Variants in ARFGEF3 observed in about 807,000 individuals in gnomAD.
ARFGEF3 encodes ARFGEF family member 3, also known as brefeldin A-inhibited guanine nucleotide-exchange protein 3.
In ARFGEF3, 96 loss-of-function variants were observed where a neutral mutation model predicts 221.7. That is an observed-to-expected ratio of 0.43 (90% CI 0.37 to 0.51). The LOEUF (loss-of-function observed/expected upper bound fraction) is 0.51, where lower values mean the gene tolerates loss of function less well. Ranked by LOEUF, ARFGEF3 falls within the 20% of genes least tolerant of loss-of-function variation. The pLI is 0.00. For missense variants in ARFGEF3, 2,410 were observed against 2,789.9 expected (o/e 0.86, Z 3.07); for synonymous variants, 1,145 against 1,126.8 (o/e 1.02, Z -0.32).
At chr6:138,265,764 G>A (rs897146020) in intron 12 of ARFGEF3, among the ~76,000 whole-genome samples, 2 of 152,084 alleles carry the variant, frequency 1.3e-5, no homozygotes, top group African/African-American at 4.8e-5. Flanking sequence ...AATATTTATT[G>A]ATTGTAAATT....
intron 12 of ARFGEF3, among the ~76,000 whole-genome samples, chr6:138,264,770 A>T (rs1395603870): frequency 6.6e-6 from 1 of 152,196 alleles, no homozygotes; most frequent in East Asian, 1.9e-4. Flanking sequence ...AGTTACTGGA[A>T]CTTGGTTAGA....
intron 2 of ARFGEF3, among the ~76,000 whole-genome samples, chr6:138,191,481 C>CT (rs1214558993): frequency 6.6e-6 from 1 of 152,148 alleles, no homozygotes; most frequent in Non-Finnish European, 1.5e-5. Context: ...GCTACTACTT[C>CT]TTTGTCAGCA....
At chr6:138,274,478 A>G (rs1340358011) in intron 12 of ARFGEF3, among the ~76,000 whole-genome samples, 3 of 152,252 alleles carry the variant, frequency 2.0e-5, no homozygotes, top group South Asian at 2.1e-4. Flanking sequence ...TTCAGATCTC[A>G]CTTGCAGTCT....
At chr6:138,184,457 G>GGAGCA (rs1777143133) in intron 2 of ARFGEF3, among the ~76,000 whole-genome samples, 1 of 152,308 alleles carries the variant, frequency 6.6e-6, no homozygotes, top group Non-Finnish European at 1.5e-5. Context: ...GTGTGATTAA[G>GGAGCA]GTTTCCCCGC....
chr6:138,228,899 T>C (rs1264081569), intron 4 of ARFGEF3, among the ~76,000 whole-genome samples: 1 of 152,248 alleles, frequency 6.6e-6, no homozygotes, highest in Non-Finnish European at 1.5e-5. Flanking sequence ...GTGTCTGTTT[T>C]CTGCAGCAAG....
In ARFGEF3 at chr6:138,340,492, G is replaced by A. The variant is rs1022494891; in HGVS notation, c.*4006G>A. 5 of 152,184 alleles carry A rather than the reference G, an allele frequency of 3.3e-5. No homozygotes were observed. Among genetic ancestry groups the A allele is most frequent in the African/African-American group, 1.2e-4 (5 of 41,444 alleles). The allele number at this position is 152,184 out of a possible 1,614,324, so 9.4% of individuals were successfully genotyped here. ...TTTTCTCAGAAAGGAAAATCCATTA[G>A]TATCAGTCCCATCAAGCCAAACAGA... On this transcript the variant is annotated 3_prime_UTR_variant, in exon 34 of 34. Transcript: ENST00000251691.
chr6:138,260,777 A>C (rs1778777461), intron 10 of ARFGEF3, among the ~76,000 whole-genome samples: 1 of 152,136 alleles, frequency 6.6e-6, no homozygotes, highest in Non-Finnish European at 1.5e-5. Flanking sequence ...GAGCAATAAA[A>C]ATTTCAAAAC....
intron 2 of ARFGEF3, among the ~76,000 whole-genome samples, chr6:138,206,660 A>G (rs1262874677): frequency 6.6e-6 from 1 of 152,220 alleles, no homozygotes; most frequent in East Asian, 1.9e-4. Context: ...ATAGAAATCT[A>G]CTTAATGATG....
chr6:138,217,702 T>C, intron 4 of ARFGEF3: 1 of 327,838 alleles, frequency 3.1e-6, no homozygotes. Context: ...TATTGACTAA[T>C]GGAGAGACAG....
chr6:138,335,195 C>T lies in ARFGEF3; in HGVS notation c.6342+7C>T, dbSNP rs1267614895. 2.6e-6 allele frequency: 4 copies of T among 1,520,320 alleles called. No homozygotes were observed. Among genetic ancestry groups the T allele is most frequent in the Non-Finnish European group, 3.5e-6 (4 of 1,143,674 alleles). 94.2% of individuals were successfully genotyped at this position (1,520,320 alleles called of 1,614,324 possible). Reference sequence around the variant, plus strand: ...CGCAGAAGCACAGATCCAGGTACATCCCTGTGGCCACAGCAGGTGGGCGGG... The same window carrying T: ...CGCAGAAGCACAGATCCAGGTACATTCCTGTGGCCACAGCAGGTGGGCGGG... On this transcript the variant is annotated splice_region_variant and intron_variant, in intron 33 of 33. Coordinates refer to ENST00000251691, the MANE Select transcript of ARFGEF3 (RefSeq NM_020340.5).
At chr6:138,174,517 T>C (rs1188346414) in intron 2 of ARFGEF3, among the ~76,000 whole-genome samples, 1 of 130,066 alleles carries the variant, frequency 7.7e-6, no homozygotes, top group African/African-American at 3.0e-5. Context: ...ATCCAGGCAC[T>C]GTAAATATTT....
rs149398870 is a variant in ARFGEF3, at chr6:138,269,748, G to A, written c.2128+6137G>A. On this transcript the variant is annotated intron_variant, in intron 12 of 33. Transcript: ENST00000251691. ...CTTGAACCCAGGAGGCGGAGGTGGC[G>A]GTGAGCTGAGATCGTGCCACTGCAC... Among the ~76,000 whole-genome samples the A allele has an allele frequency of 4.9e-3, 738 of 152,098 alleles. 7 individuals carry two copies. The highest frequency in any genetic ancestry group is 0.017 in the African/African-American group (701 of 41,484).
chr6:138,323,863 T>A, intron 30 of ARFGEF3, 90 bp downstream of exon 30: 1 of 1,543,220 alleles, frequency 6.5e-7, no homozygotes, highest in Non-Finnish European at 8.9e-7. Context: ...GGGTTCTGCC[T>A]CCTCTGAGCA....
intron 4 of ARFGEF3, among the ~76,000 whole-genome samples, chr6:138,223,846 C>G (rs1291522549): frequency 6.6e-6 from 1 of 152,174 alleles, no homozygotes; most frequent in Non-Finnish European, 1.5e-5. Flanking sequence ...CTGCATTTTC[C>G]CATTCAGAAT....
Position 138,313,775 on chromosome 6 carries a change from G to A in ARFGEF3, c.4201-20G>A. The A allele has an allele frequency of 6.2e-7, 1 of 1,605,980 alleles. No individual in the cohort carries two copies. Among genetic ancestry groups the A allele is most frequent in the South Asian group, 1.1e-5 (1 of 90,612 alleles). The stretch of plus-strand genomic sequence containing the variant: ...TTTTTCCAACATATAATTGCAGTTT[G>A]TCTTTTTATTTTAATTTAGTTATTG... On this transcript the variant is annotated intron_variant, in intron 25 of 33. Transcript: ENST00000251691.
At position 138,328,134 on chromosome 6, in the gene ARFGEF3, C is replaced by T; in HGVS notation, c.5115C>T (p.Thr1705=). ...CTGATGAAAAACCAAATGGACACAC[C>T]AAGAAAAGGTAAGTACCTAAATCTC... ...LPPDEKPNGH[T]KKSVSFREIV... Residue 1705 remains threonine (T), a synonymous_variant, in exon 32 of 34, where the codon ACC becomes ACT. Coordinates refer to ENST00000251691, the MANE Select transcript of ARFGEF3 (RefSeq NM_020340.5). The T allele has an allele frequency of 6.3e-7, 1 of 1,594,302 alleles. No individual in the cohort carries two copies. The highest frequency in any genetic ancestry group is 8.5e-7 in the Non-Finnish European group (1 of 1,169,746).
chr6:138,330,976 C>T (rs1451919955), intron 32 of ARFGEF3, among the ~76,000 whole-genome samples: 3 of 152,206 alleles, frequency 2.0e-5, no homozygotes, highest in Admixed American at 6.5e-5. Context: ...CCTTTGACAT[C>T]TTTAAGCATT....
At chr6:138,304,053 C>G (rs1583058268) in intron 22 of ARFGEF3, among the ~76,000 whole-genome samples, 1 of 151,828 alleles carries the variant, frequency 6.6e-6, no homozygotes, top group East Asian at 1.9e-4. Context: ...CACAAATGTT[C>G]ATAGTAACAT....
chr6:138,330,463 CCAAA>C (rs10598554), intron 32 of ARFGEF3, among the ~76,000 whole-genome samples: 22,742 of 152,038 alleles, frequency 0.15, 2,925 homozygotes, highest in African/African-American at 0.36. Flanking sequence ...TAACGGCAGC[CCAAA>C]CAAAGATAAT....
Sources: gnomAD v4.1 joint callset for allele counts (sites outside exome capture counted in the v4.1 genomes callset) on GRCh38, gnomAD v4.1.1 for gene constraint, MANE v1.5 for transcripts, NCBI Gene and HGNC (gene_info 2026-07-23, HGNC 2026-07-21) for gene names.